The following KATNAL2 variants were observed in gnomAD, a reference collection of about 807,000 sequenced individuals.
KATNAL2 encodes katanin catalytic subunit A1 like 2, also known as katanin p60 ATPase-containing subunit A-like 2.
KATNAL2 carries 52 observed loss-of-function variants against 76.3 expected under a neutral mutation model. The ratio of observed to expected loss-of-function variants is 0.68; its 90% confidence interval spans 0.55 to 0.86. The LOEUF is 0.86. Among genes scored for constraint, KATNAL2 ranks in the 40% least tolerant of loss-of-function variants. KATNAL2 has a pLI of 0.00. For synonymous variants in KATNAL2, 243 were observed against 244.2 expected (o/e 1.00, Z 0.05); for missense variants, 660 against 668.9 (o/e 0.99, Z 0.15).
At chr18:47,037,929 C>G (rs1379898002) in intron 3 of KATNAL2, among the ~76,000 whole-genome samples, 1 of 151,908 alleles carries the variant, frequency 6.6e-6, no homozygotes, top group Admixed American at 6.6e-5. Context: ...AAGTGATCCT[C>G]CCACCTTGGC....
chr18:47,033,443 A>T (rs778320356), intron 3 of KATNAL2: 1 of 1,614,118 alleles, frequency 6.2e-7, no homozygotes. Context: ...AGCCGCAGGT[A>T]CTGCTCCCTC....
chr18:47,045,215 A>G (rs1022543892), intron 3 of KATNAL2, among the ~76,000 whole-genome samples: 11 of 152,258 alleles, frequency 7.2e-5, no homozygotes, highest in Non-Finnish European at 1.5e-4. Flanking sequence ...ATTTTCAAAT[A>G]TTTATATGCA....
intron 3 of KATNAL2, among the ~76,000 whole-genome samples, chr18:47,038,414 A>C (rs867307628): frequency 2.2e-4 from 33 of 152,326 alleles, no homozygotes; most frequent in South Asian, 6.2e-4. Flanking sequence ...GAAACTCACT[A>C]TCCTACCTGT....
At chr18:46,948,888 T>TTTTGTGTGTG (rs2059464182) in intron 3 of KATNAL2, among the ~76,000 whole-genome samples, 1 of 145,796 alleles carries the variant, frequency 6.9e-6, no homozygotes, top group Non-Finnish European at 1.5e-5. Context: ...AGTATCTGCA[T>TTTTGTGTGTG]TGTGTGTGTG....
At chr18:47,068,008 G>A (rs187927725) in intron 11 of KATNAL2, among the ~76,000 whole-genome samples, 99 of 152,330 alleles carry the variant, frequency 6.5e-4, no homozygotes, top group Non-Finnish European at 1.2e-3. Flanking sequence ...TGCTCACATG[G>A]TGGCAGTGGG....
At chr18:47,088,531 T>C (rs1212020116) in intron 15 of KATNAL2, among the ~76,000 whole-genome samples, 2 of 152,190 alleles carry the variant, frequency 1.3e-5, no homozygotes, top group Non-Finnish European at 2.9e-5. Flanking sequence ...CCAGGTCTCA[T>C]TTATAATGGT....
At chr18:47,053,532 A>G (rs528075130) in intron 5 of KATNAL2, among the ~76,000 whole-genome samples, 139 of 152,360 alleles carry the variant, frequency 9.1e-4, no homozygotes, top group African/African-American at 3.1e-3. Context: ...AAAACCCAGT[A>G]TAGGTTAGCA....
intron 3 of KATNAL2, among the ~76,000 whole-genome samples, chr18:46,962,062 A>T (rs1206846620): frequency 6.6e-6 from 1 of 152,184 alleles, no homozygotes; most frequent in Non-Finnish European, 1.5e-5. Context: ...ATATGAGGAA[A>T]TGCATAGGCT....
intron 3 of KATNAL2, among the ~76,000 whole-genome samples, chr18:47,045,546 C>T (rs1289492241): frequency 6.6e-6 from 1 of 152,158 alleles, no homozygotes; most frequent in Non-Finnish European, 1.5e-5. Context: ...TGGTCTCAAA[C>T]TCCTGACCTC....
intron 13 of KATNAL2, among the ~76,000 whole-genome samples, chr18:47,070,097 CT>C (rs34614350): frequency 1.7e-3 from 223 of 134,892 alleles, no homozygotes; most frequent in African/African-American, 3.4e-3. Flanking sequence ...TTTTTGCTTT[CT>C]TTTTTTTTTT....
chr18:46,920,483 C>T (rs774269604), intron 1 of KATNAL2, among the ~76,000 whole-genome samples: 1 of 152,204 alleles, frequency 6.6e-6, no homozygotes, highest in Non-Finnish European at 1.5e-5. Flanking sequence ...TTGATACTCA[C>T]TCTGCCTCTG....
At chr18:46,945,867 T>C (rs559341912) in intron 1 of KATNAL2, among the ~76,000 whole-genome samples, 190 bp from the exon 2 acceptor site, 2 of 152,322 alleles carry the variant, frequency 1.3e-5, no homozygotes, top group Admixed American at 1.3e-4. Flanking sequence ...TGTAATCGGA[T>C]TTCCCAATTA....
At chr18:46,961,450 T>C (rs1388105252) in intron 3 of KATNAL2, among the ~76,000 whole-genome samples, 1 of 152,224 alleles carries the variant, frequency 6.6e-6, no homozygotes, top group Admixed American at 6.5e-5. Context: ...TGTTGAAGTT[T>C]TCTGATAAAC....
In KATNAL2 at chr18:46,952,349, G is replaced by A. The variant is rs576525079; in HGVS notation, c.51+5426G>A. On this transcript the variant is annotated intron_variant, in intron 3 of 17. Coordinates refer to ENST00000683218, the MANE Select transcript of KATNAL2 (RefSeq NM_001387690.1). ...ACCCACCACCTAGGCCTGCTAAAGT[G>A]CTGGGATTATAGGCATGAGCCATTG... Among the ~76,000 whole-genome samples, 29 of 149,036 alleles carry A rather than the reference G, an allele frequency of 1.9e-4. No homozygotes were observed. In the South Asian group the frequency reaches 5.9e-3, roughly 30 times the overall value.
chr18:47,049,100 G>T (rs1008191597), intron 4 of KATNAL2, among the ~76,000 whole-genome samples: 2 of 152,188 alleles, frequency 1.3e-5, no homozygotes, highest in South Asian at 4.1e-4. Flanking sequence ...TGGGATTACA[G>T]GCGTGAGCCA....
At chr18:47,069,764 G>A (rs1379354104) in intron 13 of KATNAL2, among the ~76,000 whole-genome samples, 164 bp downstream of exon 13, 6 of 152,088 alleles carry the variant, frequency 3.9e-5, no homozygotes, top group Non-Finnish European at 8.8e-5. Context: ...TCTATTACGT[G>A]TGGATGTTAA....
intron 3 of KATNAL2, among the ~76,000 whole-genome samples, chr18:46,955,625 T>C (rs1208252214): frequency 6.6e-6 from 1 of 152,150 alleles, no homozygotes; most frequent in Non-Finnish European, 1.5e-5. Flanking sequence ...ATTGGTGCCA[T>C]CAAGGCTCAC....
chr18:47,034,020 GT>G (rs1569052786), intron 3 of KATNAL2: 2 of 1,614,040 alleles, frequency 1.2e-6, no homozygotes, highest in East Asian at 2.2e-5. Context: ...CCTTGGATTC[GT>G]TTGCTTTCCT....
At chr18:46,930,546 C>T (rs1444004085) in intron 1 of KATNAL2, among the ~76,000 whole-genome samples, 3 of 152,066 alleles carry the variant, frequency 2.0e-5, no homozygotes, top group East Asian at 1.9e-4. Context: ...CCGGGTGCGA[C>T]GGCTCACACC....
Sources: allele counts gnomAD v4.1 joint callset (sites outside exome capture counted in the v4.1 genomes callset), GRCh38; gene constraint gnomAD v4.1.1; transcripts MANE v1.5; gene names NCBI Gene and HGNC (gene_info 2026-07-23, HGNC 2026-07-21).